UPB1: variants seen among roughly 807,000 people sequenced by gnomAD.
The protein encoded by UPB1 is beta-ureidopropionase.
A neutral mutation model predicts 49.1 loss-of-function variants in UPB1; 40 were observed. The ratio of observed to expected loss-of-function variants is 0.81; its 90% CI spans 0.63 to 1.06. The LOEUF (loss-of-function observed/expected upper bound fraction) is 1.06, where lower values mean the gene tolerates loss of function less well. Among genes scored for constraint, UPB1 ranks in the 50% least tolerant of loss-of-function variants. The pLI is 0.00. For synonymous variants in UPB1, 207 were observed against 198.2 expected, an observed-to-expected ratio of 1.04 and a Z score of -0.38; for missense variants, 499 against 505.9, an observed-to-expected ratio of 0.99 and a Z score of 0.13.
intron 4 of UPB1, among the ~76,000 whole-genome samples, chr22:24,511,618 A>ATTTTT (rs386395041): frequency 3.5e-4 from 43 of 122,552 alleles, no homozygotes; most frequent in East Asian, 7.0e-4. Flanking sequence ...ATATATATAT[A>ATTTTT]TTTTTTTTTT....
At position 24,525,916 on chromosome 22, in the gene UPB1, C is replaced by T. The variant is rs913809935; in HGVS notation, c.*122C>T. ...CATTGTCCAGGTTGGTTTTAAAATT[C>T]CCAGGCAGGGGGAGAGTGGCATGGG... On this transcript the variant is annotated 3_prime_UTR_variant, in exon 10 of 10. Coordinates refer to ENST00000326010, the MANE Select transcript of UPB1 (RefSeq NM_016327.3). 1.6e-5 allele frequency: 20 copies of T among 1,281,512 alleles called. No homozygotes were observed. Among genetic ancestry groups the T allele is most frequent in the Non-Finnish European group, 1.9e-5 (17 of 890,186 alleles). The allele number at this position is 1,281,512 out of a possible 1,614,324, so 79.4% of individuals were successfully genotyped here.
chr22:24,520,533 T>TTC, intron 7 of UPB1, 65 bp downstream of exon 7: 1 of 1,564,700 alleles, frequency 6.4e-7, no homozygotes, highest in South Asian at 1.1e-5. Flanking sequence ...GGACACCCCG[T>TTC]TCCCTCTGCA....
In UPB1 at chr22:24,523,772, A is replaced by G. The variant is rs1601518862; in HGVS notation, c.1070A>G (p.Lys357Arg). The part of the protein sequence containing the change: ...CQQVNDVWNF[K>R]MTGRYEMYAR... ...CAGGTGAATGATGTCTGGAACTTCA[A>G]GGTAGGTCCCCAGGACCCCTGTTGT... The change falls in exon 9 of 10, where the codon AAG becomes AGG. Residue 357 changes from lysine to arginine, a missense_variant and splice_region_variant. Physicochemically the swap from Lys to Arg is conservative, Grantham distance 26. Transcript: ENST00000326010. 2 of 1,614,222 alleles carry G rather than the reference A, an allele frequency of 1.2e-6. No individual in the cohort carries two copies. The highest frequency in any genetic ancestry group is 1.3e-5 in the African/African-American group (1 of 75,074).
chr22:24,523,572 A>G (rs1254780712), intron 8 of UPB1, 47 bp from the exon 9 acceptor site: 1 of 1,612,516 alleles, frequency 6.2e-7, no homozygotes, highest in Non-Finnish European at 8.5e-7. Context: ...TGGAGCCCAC[A>G]GTGCATCTAC....
intron 3 of UPB1, chr22:24,502,437 C>G (rs2044010895): frequency 1.3e-6 from 1 of 782,804 alleles, no homozygotes. Context: ...AATCCATTCG[C>G]TCCTCTCCAT....
rs79110614 is a variant in UPB1 at position 24,502,385 on chromosome 22, C to T, written c.364+172C>T. Reference sequence around the variant, plus strand: ...CCCCGGCCTCCCTGCTGTTACGCACCGAGCTGTTGTCTGATTCCTTCAGTT... The same window carrying T: ...CCCCGGCCTCCCTGCTGTTACGCACTGAGCTGTTGTCTGATTCCTTCAGTT... On this transcript the variant is annotated intron_variant, in intron 3 of 9. Coordinates refer to ENST00000326010, the MANE Select transcript of UPB1 (RefSeq NM_016327.3). 508 of 807,076 alleles carry T rather than the reference C, an allele frequency of 6.3e-4. 3 individuals carry two copies. In the African/African-American group the frequency reaches 7.5e-3, roughly 12 times the overall value. The allele number at this position is 807,076 out of a possible 1,614,324, so 50.0% of individuals were successfully genotyped here.
At position 24,502,010 on chromosome 22, in the gene UPB1, C is replaced by T. The variant is rs1369674654; in HGVS notation, c.277-116C>T. The T allele has an allele frequency of 3.9e-6, 4 of 1,023,976 alleles. No individual in the cohort carries two copies. The East Asian group carries it at 7.2e-5, about 19-fold the overall frequency. 63.4% of individuals were successfully genotyped at this position (1,023,976 alleles called of 1,614,324 possible). On this transcript the variant is annotated intron_variant, in intron 2 of 9. Coordinates refer to ENST00000326010, the MANE Select transcript of UPB1 (RefSeq NM_016327.3). ...TAACCAAATATAGAACCTCCCCACCCTACTCCTCATACCTGCCCAGGTGGG... is the reference window on the plus strand; with the variant it reads ...TAACCAAATATAGAACCTCCCCACCTTACTCCTCATACCTGCCCAGGTGGG...
At position 24,527,461 on chromosome 22, in the gene UPB1, C is replaced by G. The variant is rs1420069927; in HGVS notation, c.*1667C>G. ...CCCCTTGGCAGTTATCAGTGCAGCG[C>G]CTATTTAGCCCTGTCCCTGAACAAC... On this transcript the variant is annotated 3_prime_UTR_variant, in exon 10 of 10. Coordinates refer to ENST00000326010, the MANE Select transcript of UPB1 (RefSeq NM_016327.3). 1 of 151,006 alleles carries G rather than the reference C, an allele frequency of 6.6e-6. No homozygotes were observed. Among genetic ancestry groups the G allele is most frequent in the Non-Finnish European group, 1.5e-5 (1 of 68,034 alleles). 9.4% of individuals were successfully genotyped at this position (151,006 alleles called of 1,614,324 possible).
In UPB1 at chr22:24,495,443, G is replaced by A. The variant is rs759100425; in HGVS notation, c.40G>A (p.Glu14Lys). Residue 14 changes from glutamate to lysine, a missense_variant, in exon 1 of 10, where the codon GAG (glutamate) becomes AAG (lysine). Coordinates refer to ENST00000326010, the MANE Select transcript of UPB1 (RefSeq NM_016327.3). ...AEWKSLEECL[E>K]KHLPLPDLQE... ...GTGGAAGTCGCTGGAGGAATGCTTGGAGAAGCACCTGCCGCTCCCCGACTT... is the reference window on the plus strand; with the variant it reads ...GTGGAAGTCGCTGGAGGAATGCTTGAAGAAGCACCTGCCGCTCCCCGACTT... 1 of 1,613,744 alleles carries A rather than the reference G, an allele frequency of 6.2e-7. No individual in the cohort carries two copies. The highest frequency in any genetic ancestry group is 1.3e-5 in the African/African-American group (1 of 75,058).
intron 4 of UPB1, among the ~76,000 whole-genome samples, chr22:24,511,359 A>G (rs2044198434): frequency 6.6e-6 from 1 of 152,170 alleles, no homozygotes; most frequent in South Asian, 2.1e-4. Context: ...AAAGTAGATA[A>G]GTGGTGGCTA....
Position 24,504,723 on chromosome 22 carries a change from CTTTTTT to C in UPB1, c.364+2527_364+2532del, listed in dbSNP as rs35606558. ...CCCTAATTTTGTTATGTATTTCCTC[CTTTTTT>C]TTTTTTTTTTTTTTTTGATACGTGG... On this transcript the variant is annotated intron_variant, in intron 3 of 9. Coordinates refer to ENST00000326010, the MANE Select transcript of UPB1 (RefSeq NM_016327.3). 9.5e-3 allele frequency among the ~76,000 whole-genome samples: 872 copies of C among 91,766 alleles called. 42 individuals carry two copies. The South Asian group carries it at 0.15, about 15-fold the overall frequency. 60.2% of individuals were successfully genotyped at this position (91,766 alleles called of 152,430 possible). A position where few individuals can be genotyped will look rare whatever the true frequency, so the allele number is the denominator to read the frequency against.
intron 3 of UPB1, among the ~76,000 whole-genome samples, chr22:24,510,024 G>A (rs2044169593): frequency 1.3e-5 from 2 of 152,076 alleles, no homozygotes; most frequent in South Asian, 4.1e-4. Context: ...CCTGAGGTCG[G>A]GAGTTCAAGA....
At chr22:24,497,902 A>T (rs1220469891) in intron 1 of UPB1, among the ~76,000 whole-genome samples, 1 of 152,156 alleles carries the variant, frequency 6.6e-6, no homozygotes, top group Non-Finnish European at 1.5e-5. Flanking sequence ...CGTCCTAGTG[A>T]ACACTGTCCT....
intron 2 of UPB1, among the ~76,000 whole-genome samples, chr22:24,501,420 G>T (rs1329957810): frequency 6.6e-6 from 1 of 152,254 alleles, no homozygotes; most frequent in Non-Finnish European, 1.5e-5. Context: ...TCCCCAAGGA[G>T]CCTGTGGGGT....
rs150355228 is a variant in UPB1 at position 24,506,448 on chromosome 22, C to T, written c.364+4235C>T. Among the ~76,000 whole-genome samples, 8 of 152,352 alleles carry T rather than the reference C, an allele frequency of 5.3e-5. No homozygotes were observed. In the East Asian group the frequency reaches 1.5e-3, roughly 29 times the overall value. On this transcript the variant is annotated intron_variant, in intron 3 of 9. Transcript: ENST00000326010. Reference sequence around the variant, plus strand: ...GATAAGCAGGAGATCTTCTCTACTGCTAGCGGGACTCAGTTTTCTCTGATC... The same window carrying T: ...GATAAGCAGGAGATCTTCTCTACTGTTAGCGGGACTCAGTTTTCTCTGATC...
At chr22:24,519,549 G>C (rs2044352149) in intron 6 of UPB1, among the ~76,000 whole-genome samples, 1 of 152,172 alleles carries the variant, frequency 6.6e-6, no homozygotes, top group Non-Finnish European at 1.5e-5. Context: ...AGTGAGGAAG[G>C]CCCACAGCTC....
intron 4 of UPB1, 141 bp downstream of exon 4, chr22:24,510,984 A>G (rs2044189062): frequency 2.5e-6 from 2 of 796,360 alleles, no homozygotes; most frequent in African/African-American, 4.3e-5. Flanking sequence ...ATTAGATAAG[A>G]CTATCTGCCA....
At chr22:24,501,566 G>T (rs1471753399) in intron 2 of UPB1, among the ~76,000 whole-genome samples, 2 of 152,356 alleles carry the variant, frequency 1.3e-5, no homozygotes, top group East Asian at 3.9e-4. Context: ...CCACAGAGGG[G>T]TGACATGTGA....
Position 24,520,476 on chromosome 22 carries a change from C to G in UPB1, c.873+8C>G. The G allele has an allele frequency of 6.2e-7, 1 of 1,613,482 alleles. No individual in the cohort carries two copies. The highest frequency in any genetic ancestry group is 8.5e-7 in the Non-Finnish European group (1 of 1,179,816). On this transcript the variant is annotated splice_region_variant and intron_variant, in intron 7 of 9. Coordinates refer to ENST00000326010, the MANE Select transcript of UPB1 (RefSeq NM_016327.3). ...ATCAATCGAGTGGGCACCGTAAGTCCCGAGGTCTGGCTGGGGAGAGGAGCC... is the reference window on the plus strand; with the variant it reads ...ATCAATCGAGTGGGCACCGTAAGTCGCGAGGTCTGGCTGGGGAGAGGAGCC...
Sources: allele counts gnomAD v4.1 joint callset (sites outside exome capture counted in the v4.1 genomes callset), GRCh38; gene constraint gnomAD v4.1.1; transcripts MANE v1.5; gene names NCBI Gene and HGNC (gene_info 2026-07-23, HGNC 2026-07-21).